The following SYNCRIP variants were observed in gnomAD, a reference collection of about 807,000 sequenced individuals.
SYNCRIP encodes the protein heterogeneous nuclear ribonucleoprotein Q.
In SYNCRIP, 9 loss-of-function variants were observed where a neutral mutation model predicts 68.9. The ratio of observed to expected loss-of-function variants is 0.13; its 90% CI spans 0.08 to 0.23. The LOEUF (loss-of-function observed/expected upper bound fraction) is 0.23. SYNCRIP is among the 10% of genes least tolerant of loss of function. SYNCRIP has a pLI of 1.00. For synonymous variants in SYNCRIP, 258 were observed against 254.0 expected (o/e 1.02, Z -0.15); for missense variants, 414 against 770.6 (o/e 0.54, Z 5.48).
At chr6:85,640,851 A>G (rs1391476449) in intron 2 of SYNCRIP, among the ~76,000 whole-genome samples, 1 of 152,216 alleles carries the variant, frequency 6.6e-6, no homozygotes, top group Non-Finnish European at 1.5e-5. Flanking sequence ...AGACTTACGA[A>G]TCCTAGAATC....
chr6:85,614,888 G>C lies in SYNCRIP; in HGVS notation c.1740C>G (p.Thr580=). 6.2e-7 allele frequency: 1 copy of C among 1,614,154 alleles called. No individual in the cohort carries two copies. Among genetic ancestry groups the C allele is most frequent in the Non-Finnish European group, 8.5e-7 (1 of 1,180,038 alleles). Residue 580 remains threonine (T), a synonymous_variant, in exon 11 of 11, where the codon ACC becomes ACG. Transcript: ENST00000369622. ...YNQPDSKRRQ[T]NNQNWGSQPI... ...GTTGGGAGCCCCAGTTCTGATTATT[G>C]GTCTGGCGCCGCTTGGAATCTGGCT... is the stretch of plus-strand genomic sequence containing the variant.
Position 85,615,299 on chromosome 6 carries a change from T to C in SYNCRIP, c.1329A>G (p.Thr443=), listed in dbSNP as rs768511024. 1 of 1,573,684 alleles carries C rather than the reference T, an allele frequency of 6.4e-7. No homozygotes were observed. The highest frequency in any genetic ancestry group is 8.7e-7 in the Non-Finnish European group (1 of 1,154,990). Residue 443 remains threonine (T), a synonymous_variant, in exon 11 of 11, where the codon ACA becomes ACG. Coordinates refer to ENST00000369622, the MANE Select transcript of SYNCRIP (RefSeq NM_006372.5). ...YYGPPHMPPP[T]RGRGRGGRGG... ...CTCTACCTCCACGCCCTCGACCTCT[T>C]GTTGGAGGGGGCATATGAGGTGGAC...
chr6:85,638,983 G>A (rs988873165), intron 4 of SYNCRIP, among the ~76,000 whole-genome samples: 12 of 152,200 alleles, frequency 7.9e-5, no homozygotes, highest in Non-Finnish European at 1.8e-4. Context: ...GCCAAGGTGG[G>A]TGGGTCACGA....
At chr6:85,608,320 G>C (rs1338107342), downstream of SYNCRIP, 1 of 151,998 alleles carries the variant, frequency 6.6e-6, no homozygotes, top group Non-Finnish European at 1.5e-5. Context: ...TGGACTCCTG[G>C]AGATCCTAAG....
chr6:85,640,947 C>A (rs182620141), intron 2 of SYNCRIP, among the ~76,000 whole-genome samples: 1 of 152,122 alleles, frequency 6.6e-6, no homozygotes. Flanking sequence ...ACCAGAAAGA[C>A]AAGAAAACAA....
At chr6:85,636,919 T>C in intron 6 of SYNCRIP, 48 bp downstream of exon 6, 1 of 1,530,366 alleles carries the variant, frequency 6.5e-7, no homozygotes, top group Non-Finnish European at 8.8e-7. Flanking sequence ...AAACTTGATA[T>C]TAAAGACAGT....
chr6:85,622,370 T>A, intron 8 of SYNCRIP, 112 bp downstream of exon 8: 1 of 1,043,942 alleles, frequency 9.6e-7, no homozygotes, highest in Non-Finnish European at 1.4e-6. Context: ...AAGAGACTCT[T>A]GTCTCAAAAA....
intron 8 of SYNCRIP, among the ~76,000 whole-genome samples, chr6:85,621,418 C>T (rs989201934): frequency 1.3e-5 from 2 of 152,040 alleles, no homozygotes; most frequent in Non-Finnish European, 2.9e-5. Context: ...CCGGCCTGGG[C>T]AGCACAGGGA....
chr6:85,614,785 G>C lies in SYNCRIP; in HGVS notation c.1843C>G (p.Gln615Glu). Residue 615 changes from glutamine (Q) to glutamate (E), a missense_variant, in exon 11 of 11, where the codon CAG (glutamine) becomes GAG (glutamate). This residue lies in a region of SYNCRIP where 130 missense variants were observed against 149.0 expected (regional missense o/e 0.87). Transcript: ENST00000369622. ...TTCCACTGTTGCCCAAAAGTATCCT[G>C]ATAAAACTCCTGGTTTTCAGATTTG... ...GYKSENQEFY[Q>E]DTFGQQWK 1 of 1,608,432 alleles carries C rather than the reference G, an allele frequency of 6.2e-7. No homozygotes were observed. Among genetic ancestry groups the C allele is most frequent in the Non-Finnish European group, 8.5e-7 (1 of 1,177,718 alleles).
chr6:85,625,056 C>T (rs1297828098), intron 6 of SYNCRIP, among the ~76,000 whole-genome samples: 1 of 152,146 alleles, frequency 6.6e-6, no homozygotes, highest in East Asian at 1.9e-4. Flanking sequence ...TCTATTATGC[C>T]CATCCTTGCT....
intron 4 of SYNCRIP, among the ~76,000 whole-genome samples, chr6:85,637,564 C>G (rs1339733665): frequency 6.6e-6 from 1 of 152,192 alleles, no homozygotes; most frequent in Non-Finnish European, 1.5e-5. Flanking sequence ...GGGTCCTGTT[C>G]AAATTACTTT....
At chr6:85,640,636 T>A in intron 2 of SYNCRIP, 72 bp from the exon 3 acceptor site, 1 of 877,504 alleles carries the variant, frequency 1.1e-6, no homozygotes, top group Non-Finnish European at 1.7e-6. Flanking sequence ...ATGTTGGCAA[T>A]ACAGGTACAT....
intron 7 of SYNCRIP, among the ~76,000 whole-genome samples, chr6:85,623,083 A>G (rs537275250): frequency 1.2e-4 from 18 of 152,326 alleles, no homozygotes; most frequent in Middle Eastern, 3.4e-3. Context: ...TTAGATATCA[A>G]TGGCTTTATT....
intron 6 of SYNCRIP, among the ~76,000 whole-genome samples, chr6:85,624,895 T>C (rs891058946): frequency 2.6e-5 from 4 of 152,222 alleles, no homozygotes; most frequent in Admixed American, 2.0e-4. Context: ...TTGTTACTAA[T>C]AATGGCGGCA....
chr6:85,627,286 A>G (rs939125357), intron 6 of SYNCRIP, among the ~76,000 whole-genome samples: 43 of 151,868 alleles, frequency 2.8e-4, no homozygotes, highest in Admixed American at 2.6e-3. Context: ...AAAAAAAAAA[A>G]AACTTGGAAC....
downstream of SYNCRIP, chr6:85,609,413 T>G (rs1805072575): frequency 6.6e-6 from 1 of 151,934 alleles, no homozygotes; most frequent in Non-Finnish European, 1.5e-5. Flanking sequence ...ATACAATAAC[T>G]CAGATCACCC....
At chr6:85,623,579 A>AAAAAAAAAAAAAAAAAAC (rs1554184894) in intron 7 of SYNCRIP, among the ~76,000 whole-genome samples, 2 of 125,756 alleles carry the variant, frequency 1.6e-5, no homozygotes, top group Non-Finnish European at 3.5e-5. Context: ...AAAAAAAAAA[A>AAAAAAAAAAAAAAAAAAC]AAAACACTCT....
At chr6:85,615,419 G>T (rs1805660092) in intron 10 of SYNCRIP, 72 bp from the exon 11 acceptor site, 20 of 1,007,860 alleles carry the variant, frequency 2.0e-5, no homozygotes, top group Admixed American at 3.3e-5. Context: ...TTAGCCATTT[G>T]TAACAGTTTA....
upstream of SYNCRIP, chr6:85,643,139 T>C (rs1244857120): frequency 6.5e-6 from 1 of 152,856 alleles, no homozygotes; most frequent in Non-Finnish European, 1.4e-5. Flanking sequence ...TCTCGGCCTT[T>C]CTTATTCCCG....
Sources: allele counts gnomAD v4.1 joint callset (sites outside exome capture counted in the v4.1 genomes callset), GRCh38; gene constraint gnomAD v4.1.1; regional missense constraint gnomAD v4.1.1; transcripts MANE v1.5; gene names NCBI Gene and HGNC (gene_info 2026-07-23, HGNC 2026-07-21).